Variants in PDLIM2 observed in about 807,000 individuals in gnomAD.
The protein encoded by PDLIM2 is PDZ and LIM domain protein 2.
PDLIM2 carries 51 observed loss-of-function variants against 54.1 expected under a neutral mutation model. That is an observed-to-expected ratio of 0.94 (90% confidence interval 0.75 to 1.19). The LOEUF is 1.19. PDLIM2 is among the 50% of genes most tolerant of loss of function. The pLI, the probability that PDLIM2 is intolerant of heterozygous loss-of-function variation, is 0.00. For synonymous variants in PDLIM2, 398 were observed against 385.6 expected (o/e 1.03, Z -0.38); for missense variants, 912 against 874.0 (o/e 1.04, Z -0.55).
At chr8:22,580,043 T>A (rs1482335) in intron 1 of PDLIM2, 11,932 of 169,324 alleles carry the variant, frequency 0.07, 562 homozygotes, top group Non-Finnish European at 0.1. Flanking sequence ...AGACTCGGCC[T>A]CACCCCACCA....
chr8:22,587,559 G>C (rs964217016), intron 6 of PDLIM2, among the ~76,000 whole-genome samples: 1 of 152,012 alleles, frequency 6.6e-6, no homozygotes, highest in East Asian at 1.9e-4. Context: ...CACACATTTC[G>C]AGAGGTGTTG....
intron 8 of PDLIM2, chr8:22,590,010 G>T: frequency 2.1e-6 from 1 of 465,658 alleles, no homozygotes; most frequent in Non-Finnish European, 3.8e-6. Flanking sequence ...TGATAAAAGC[G>T]GTGGCAGGGC....
chr8:22,589,624 C>A (rs772959553), exon 8 of PDLIM2: 2 of 1,600,490 alleles, frequency 1.2e-6, no homozygotes, highest in East Asian at 2.3e-5. Context: ...AAGCCTCCTC[C>A]TGGACGAGGA....
intron 3 of PDLIM2, among the ~76,000 whole-genome samples, chr8:22,583,541 G>A (rs368261914): frequency 1.3e-5 from 2 of 152,108 alleles, no homozygotes; most frequent in East Asian, 1.9e-4. Flanking sequence ...CGAGTCGGGC[G>A]GATCACCTGA....
chr8:22,593,463 G>A (rs1800608201), intron 9 of PDLIM2: 3 of 413,680 alleles, frequency 7.3e-6, no homozygotes, highest in Non-Finnish European at 1.3e-5. Flanking sequence ...TGTAATCCCA[G>A]CTACTCAGGA....
chr8:22,580,946 A>T (rs888855779), intron 2 of PDLIM2: 1 of 678,368 alleles, frequency 1.5e-6, no homozygotes, highest in African/African-American at 1.8e-5. Flanking sequence ...CCCAGTTGCT[A>T]TCCCCACACT....
At chr8:22,596,388 C>G (rs1428368112), downstream of PDLIM2, 1 of 152,212 alleles carries the variant, frequency 6.6e-6, no homozygotes, top group Admixed American at 6.5e-5. Flanking sequence ...GGTTTCAGCA[C>G]CAGGGTTCTC....
At position 22,584,956 on chromosome 8, in the gene PDLIM2, AG is replaced by A. The variant is rs1331647268; in HGVS notation, c.1066-58del. The A allele has an allele frequency of 2.5e-6, 4 of 1,613,570 alleles. No individual in the cohort carries two copies. The East Asian group carries it at 8.9e-5, about 36-fold the overall frequency. On this transcript the variant is annotated intron_variant, in intron 4 of 9. Coordinates refer to ENST00000308354, the Ensembl canonical transcript of PDLIM2. ...CACTGGTGCATGAAAGTGAGGCCCG[AG>A]GGCAGGGCGGCCTTGGCGGGGCAGC...
rs529093963 is a variant in PDLIM2 at position 22,593,859 on chromosome 8, G to A, written c.1758G>A (p.Lys586=). ...TGGGTGACGAGCTGTACTGTGAGAA[G>A]CATGCCCGCCAGCGCTACTCCGCAC... The change falls in exon 10 of 10, where the codon AAG becomes AAA. Residue 586 remains lysine (K), a synonymous_variant. Coordinates refer to ENST00000308354, the Ensembl canonical transcript of PDLIM2. 304 of 1,563,772 alleles carry A rather than the reference G, an allele frequency of 1.9e-4. 5 individuals are homozygous for A. The South Asian group carries it at 2.8e-3, about 14-fold the overall frequency.
At chr8:22,586,290 G>A (rs1563867149) in intron 6 of PDLIM2, among the ~76,000 whole-genome samples, 2 of 152,240 alleles carry the variant, frequency 1.3e-5, no homozygotes, top group African/African-American at 2.4e-5. Flanking sequence ...CCCACCCAGA[G>A]GCCAGCCTGG....
intron 3 of PDLIM2, 61 bp from the exon 3 acceptor site, chr8:22,584,760 C>G: frequency 6.4e-7 from 1 of 1,560,306 alleles, no homozygotes; most frequent in Non-Finnish European, 8.8e-7. Flanking sequence ...GTTTTGGCCT[C>G]TTTTGGGGGT....
intron 6 of PDLIM2, chr8:22,588,948 A>G: frequency 2.6e-6 from 1 of 382,278 alleles, no homozygotes; most frequent in South Asian, 3.0e-5. Context: ...CCAGTGTGCA[A>G]TGTCTTTGCA....
intron 6 of PDLIM2, chr8:22,588,215 C>T (rs973927662): frequency 6.6e-6 from 1 of 152,392 alleles, no homozygotes; most frequent in African/African-American, 2.4e-5. Flanking sequence ...GAACGTTTTA[C>T]TGGAGAACCC....
intron 3 of PDLIM2, 32 bp downstream of exon 2, chr8:22,581,562 AT>A: frequency 6.5e-7 from 1 of 1,537,404 alleles, no homozygotes; most frequent in East Asian, 2.3e-5. Context: ...AGCCTGTGGC[AT>A]TCCCCCTCCT....
chr8:22,589,316 G>A (rs1446922537), exon 7 of PDLIM2: 5 of 1,534,256 alleles, frequency 3.3e-6, no homozygotes, highest in Non-Finnish European at 4.4e-6. Context: ...CGGCCGCGCT[G>A]GCGACTCGGC....
At chr8:22,591,818 C>G (rs1800559047) in intron 9 of PDLIM2, 150 bp downstream of exon 8, 2 of 669,400 alleles carry the variant, frequency 3.0e-6, no homozygotes, top group Admixed American at 6.6e-5. Context: ...TGTTGCACAG[C>G]TTTGGGGGCA....
In PDLIM2 at chr8:22,591,318, C is replaced by G. The variant is rs929173382; in HGVS notation, c.1514-233C>G. ...CACCTGACACTGAGCACAGATGGCC[C>G]CAGGTGGCCTTGGATGGGCAAACTC... On this transcript the variant is annotated intron_variant, in intron 8 of 9. Transcript: ENST00000308354. The G allele has an allele frequency of 8.6e-6, 5 of 581,258 alleles. No individual in the cohort carries two copies. The East Asian group carries it at 1.5e-4, about 17-fold the overall frequency. 36.0% of individuals were successfully genotyped at this position (581,258 alleles called of 1,614,324 possible).
rs373642876 is a variant in PDLIM2, at chr8:22,585,267, C to G, written c.1212-54C>G. The stretch of plus-strand genomic sequence containing the variant: ...GCTTGGGAGCCCGGGGCAGCATCCT[C>G]CCTGGGCAGGCTGGGGGTGGCCCTG... On this transcript the variant is annotated intron_variant, in intron 5 of 9. Coordinates refer to ENST00000308354, the Ensembl canonical transcript of PDLIM2. The G allele has an allele frequency of 6.9e-6, 11 of 1,604,246 alleles. No homozygotes were observed. In the African/African-American group the frequency reaches 1.3e-4, roughly 20 times the overall value.
At chr8:22,593,877 C>T in exon 10 of PDLIM2, 1 of 1,551,834 alleles carries the variant, frequency 6.4e-7, no homozygotes, top group Admixed American at 2.0e-5. Flanking sequence ...GCCAGCGCTA[C>T]TCCGCACCTG....
Sources: gnomAD v4.1 joint callset for allele counts (sites outside exome capture counted in the v4.1 genomes callset) on GRCh38, gnomAD v4.1.1 for gene constraint, MANE v1.5 for transcripts, NCBI Gene and HGNC (gene_info 2026-07-23, HGNC 2026-07-21) for gene names.